Variants in NEK10 observed in about 807,000 individuals in gnomAD.
The protein encoded by NEK10 is serine/threonine-protein kinase Nek10.
NEK10 carries 122 observed loss-of-function variants against 159.8 expected under a neutral mutation model. That is an observed-to-expected ratio of 0.76 (90% CI 0.66 to 0.89). The LOEUF (loss-of-function observed/expected upper bound fraction) is 0.89, where lower values mean the gene tolerates loss of function less well. Ranked by LOEUF, NEK10 falls within the 40% of genes least tolerant of loss-of-function variation. The probability of loss-of-function intolerance (pLI) is 0.00; values close to 1 mark genes in which losing one functional copy is unlikely to be tolerated. For synonymous variants in NEK10, 466 were observed against 457.1 expected (o/e 1.02, Z -0.25); for missense variants, 1,342 against 1,323.1 (o/e 1.01, Z -0.22).
At chr3:27,204,633 A>G (rs1270644535) in intron 23 of NEK10, among the ~76,000 whole-genome samples, 1 of 117,226 alleles carries the variant, frequency 8.5e-6, no homozygotes, top group Admixed American at 1.0e-4. Context: ...TACAAAGGAC[A>G]TGAACTCATC....
chr3:27,311,625 C>A, intron 8 of NEK10: 1 of 173,168 alleles, frequency 5.8e-6, no homozygotes. Context: ...GAGCCTCCAA[C>A]GGGAGAAGAT....
chr3:27,234,180 A>G (rs1953646878), intron 23 of NEK10, among the ~76,000 whole-genome samples: 1 of 152,086 alleles, frequency 6.6e-6, no homozygotes, highest in African/African-American at 2.4e-5. Context: ...AATGGGCAAA[A>G]CCTGGAAGCA....
rs181747739 is a variant in NEK10, at chr3:27,175,864, T to A, written c.2506-1031A>T. On this transcript the variant is annotated intron_variant, in intron 26 of 35. Transcript: ENST00000691995. ...GGGAAAGAATTCCCTCTATGAATTG[T>A]GTCCAAGATGATTTAGTCACAAATT... 2.6e-5 allele frequency among the ~76,000 whole-genome samples: 4 copies of A among 152,344 alleles called. No individual in the cohort carries two copies. In the East Asian group the frequency reaches 7.7e-4, roughly 29 times the overall value.
intron 32 of NEK10, among the ~76,000 whole-genome samples, chr3:27,124,674 A>C (rs563516304): frequency 3.3e-5 from 5 of 152,342 alleles, no homozygotes; most frequent in African/African-American, 1.2e-4. Flanking sequence ...AGAGCAGGTG[A>C]AAAAGCGTGA....
At chr3:27,134,915 C>T (rs1471915460) in intron 31 of NEK10, among the ~76,000 whole-genome samples, 2 of 152,164 alleles carry the variant, frequency 1.3e-5, no homozygotes, top group Non-Finnish European at 2.9e-5. Context: ...TTGAGCCAGA[C>T]ACTATGACTA....
chr3:27,255,313 A>C (rs1450697169), intron 23 of NEK10: 1 of 427,580 alleles, frequency 2.3e-6, no homozygotes. Context: ...CACTTTCAAG[A>C]ATAAAGATGT....
chr3:27,172,036 G>A (rs891232635), intron 28 of NEK10, among the ~76,000 whole-genome samples, 163 bp from the exon 29 acceptor site: 1 of 152,054 alleles, frequency 6.6e-6, no homozygotes, highest in African/African-American at 2.4e-5. Flanking sequence ...AGCCATTATG[G>A]AAAACAGTAT....
At chr3:27,295,856 C>T (rs543791035) in intron 14 of NEK10, among the ~76,000 whole-genome samples, 166 bp from the exon 15 acceptor site, 1 of 152,252 alleles carries the variant, frequency 6.6e-6, no homozygotes, top group Admixed American at 6.5e-5. Context: ...GTCAACATAA[C>T]ACTTTTAAAC....
chr3:27,368,406 G>A (rs556159727), intron 1 of NEK10, among the ~76,000 whole-genome samples: 11 of 152,070 alleles, frequency 7.2e-5, no homozygotes, highest in East Asian at 3.9e-4. Flanking sequence ...GACTAGAATC[G>A]GAGAAGCCAG....
At chr3:27,141,818 G>T (rs1417417021) in intron 30 of NEK10, among the ~76,000 whole-genome samples, 1 of 152,100 alleles carries the variant, frequency 6.6e-6, no homozygotes, top group Non-Finnish European at 1.5e-5. Context: ...ACATCTGAAA[G>T]ACTGCTTATC....
chr3:27,228,708 A>T (rs1952903978), intron 23 of NEK10, among the ~76,000 whole-genome samples: 1 of 152,232 alleles, frequency 6.6e-6, no homozygotes. Context: ...CACTCCCCAG[A>T]TTCAGGCTTG....
At chr3:27,266,110 T>A (rs1194520691) in intron 22 of NEK10, among the ~76,000 whole-genome samples, 1 of 152,178 alleles carries the variant, frequency 6.6e-6, no homozygotes, top group Non-Finnish European at 1.5e-5. Flanking sequence ...CGGCCTACAA[T>A]TTGCAAATAT....
chr3:27,227,885 G>T (rs1006148961), intron 23 of NEK10, among the ~76,000 whole-genome samples: 6 of 152,176 alleles, frequency 3.9e-5, no homozygotes, highest in African/African-American at 1.4e-4. Context: ...GTATAATAGC[G>T]TGGCAGGCAA....
intron 23 of NEK10, 62 bp downstream of exon 23, chr3:27,256,234 A>G (rs1956154513): frequency 2.7e-6 from 2 of 748,304 alleles, no homozygotes; most frequent in Non-Finnish European, 4.0e-6. Flanking sequence ...AGTCAATAAT[A>G]TAAATGAAAG....
At chr3:27,324,933 G>A (rs916874139) in intron 5 of NEK10, among the ~76,000 whole-genome samples, 1 of 152,142 alleles carries the variant, frequency 6.6e-6, no homozygotes, top group Non-Finnish European at 1.5e-5. Flanking sequence ...GCTGGGCCAA[G>A]GTCCAGTGCC....
intron 22 of NEK10, among the ~76,000 whole-genome samples, chr3:27,278,441 A>T (rs2041921502): frequency 6.6e-6 from 1 of 152,188 alleles, no homozygotes; most frequent in African/African-American, 2.4e-5. Context: ...TTTTCATCTT[A>T]TATCTATCCC....
chr3:27,284,310 C>A (rs1054278330), intron 22 of NEK10, among the ~76,000 whole-genome samples: 1 of 152,042 alleles, frequency 6.6e-6, no homozygotes, highest in African/African-American at 2.4e-5. Flanking sequence ...ACTTGAAACC[C>A]GGGAGGTGGA....
chr3:27,183,418 A>G (rs1456815078), intron 26 of NEK10, among the ~76,000 whole-genome samples: 1 of 150,912 alleles, frequency 6.6e-6, no homozygotes, highest in Non-Finnish European at 1.5e-5. Flanking sequence ...CCAAAAAGTC[A>G]ATCTCCTCAT....
intron 22 of NEK10, among the ~76,000 whole-genome samples, chr3:27,279,567 T>C (rs1240897441): frequency 6.6e-6 from 1 of 152,230 alleles, no homozygotes. Flanking sequence ...TCAATAGAGA[T>C]AGACACTGAA....
Sources: allele counts gnomAD v4.1 joint callset (sites outside exome capture counted in the v4.1 genomes callset), GRCh38; gene constraint gnomAD v4.1.1; transcripts MANE v1.5; gene names NCBI Gene and HGNC (gene_info 2026-07-23, HGNC 2026-07-21).